Variants in ADGRL2 observed in about 807,000 individuals in gnomAD.
ADGRL2 encodes adhesion G protein-coupled receptor L2.
Under a neutral mutation model 157.4 loss-of-function variants are expected in ADGRL2, and 44 were observed. That is an observed-to-expected ratio of 0.28 (90% CI 0.22 to 0.36). ADGRL2 has a LOEUF of 0.36. Among genes scored for constraint, ADGRL2 ranks in the 10% least tolerant of loss-of-function variants. ADGRL2 has a pLI of 1.00. For synonymous variants in ADGRL2, 585 were observed against 624.7 expected, an observed-to-expected ratio of 0.94 and a Z score of 0.95; for missense variants, 1,510 against 1,768.9, an observed-to-expected ratio of 0.85 and a Z score of 2.63.
intron 3 of ADGRL2, among the ~76,000 whole-genome samples, chr1:81,922,298 G>T (rs1278200482): frequency 6.6e-6 from 1 of 152,064 alleles, no homozygotes; most frequent in Admixed American, 6.6e-5. Flanking sequence ...GAGCATGTTC[G>T]CCAGTTTCTT....
At chr1:81,509,905 G>A (rs1218899076) in intron 2 of ADGRL2, among the ~76,000 whole-genome samples, 4 of 152,296 alleles carry the variant, frequency 2.6e-5, no homozygotes, top group Admixed American at 6.5e-5. Flanking sequence ...TAATCCTTGC[G>A]AGTCTGCCCA....
At chr1:81,332,812 T>G (rs934254355) in intron 1 of ADGRL2, among the ~76,000 whole-genome samples, 2 of 152,234 alleles carry the variant, frequency 1.3e-5, no homozygotes, top group Non-Finnish European at 2.9e-5. Flanking sequence ...GAACTTCATA[T>G]GAAATTTGAA....
At chr1:81,763,204 A>G (rs181270654) in intron 2 of ADGRL2, among the ~76,000 whole-genome samples, 8 of 152,244 alleles carry the variant, frequency 5.3e-5, no homozygotes, top group Admixed American at 2.6e-4. Context: ...ATAATAAGCT[A>G]TTCAAAAGAG....
intron 3 of ADGRL2, among the ~76,000 whole-genome samples, chr1:81,669,670 T>C (rs536963537): frequency 9.3e-4 from 141 of 152,106 alleles, no homozygotes; most frequent in South Asian, 2.7e-3. Context: ...TGGCTGGGTG[T>C]GGTGGTGCAC....
chr1:81,361,127 C>G (rs978529401), intron 1 of ADGRL2, among the ~76,000 whole-genome samples: 2 of 151,796 alleles, frequency 1.3e-5, no homozygotes, highest in African/African-American at 4.8e-5. Context: ...GAAAACAAAC[C>G]ACAATGAATG....
At chr1:81,748,766 C>A (rs376930231) in intron 1 of ADGRL2, among the ~76,000 whole-genome samples, 8 of 152,036 alleles carry the variant, frequency 5.3e-5, no homozygotes, top group African/African-American at 1.9e-4. Context: ...CTCCCGGGTT[C>A]AAACGATTTT....
At chr1:81,753,959 G>C (rs1341340169) in intron 1 of ADGRL2, among the ~76,000 whole-genome samples, 1 of 152,146 alleles carries the variant, frequency 6.6e-6, no homozygotes, top group Non-Finnish European at 1.5e-5. Flanking sequence ...AGTCTATTGT[G>C]AGAATGAGTT....
At chr1:81,518,661 T>A (rs1426217876) in intron 2 of ADGRL2, among the ~76,000 whole-genome samples, 1 of 152,142 alleles carries the variant, frequency 6.6e-6, no homozygotes, top group Non-Finnish European at 1.5e-5. Context: ...GGTATTTAAC[T>A]TCTCTGTGCC....
intron 2 of ADGRL2, among the ~76,000 whole-genome samples, chr1:81,488,739 A>T (rs962999929): frequency 6.6e-6 from 1 of 151,928 alleles, no homozygotes; most frequent in African/African-American, 2.4e-5. Flanking sequence ...GTTTTCGATT[A>T]AAAAAACCAT....
intron 1 of ADGRL2, among the ~76,000 whole-genome samples, chr1:81,312,146 G>C (rs1452603046): frequency 1.3e-5 from 2 of 152,210 alleles, no homozygotes; most frequent in African/African-American, 4.8e-5. Context: ...AGCAACGATG[G>C]AAGCAAAGAG....
intron 3 of ADGRL2, among the ~76,000 whole-genome samples, chr1:81,616,665 T>C (rs2081655158): frequency 1.9e-5 from 1 of 53,196 alleles, no homozygotes; most frequent in African/African-American, 6.5e-5. Context: ...TTTTCTTTTC[T>C]TTTCTTTTCT....
intron 23 of ADGRL2, chr1:81,989,536 T>A: frequency 1.5e-6 from 1 of 667,438 alleles, no homozygotes; most frequent in Non-Finnish European, 2.6e-6. Flanking sequence ...AAATGAAAAA[T>A]AAAAGGCTGC....
chr1:81,725,969 C>A (rs994259381), intron 1 of ADGRL2, among the ~76,000 whole-genome samples: 6 of 151,668 alleles, frequency 4.0e-5, no homozygotes, highest in Admixed American at 1.3e-4. Flanking sequence ...GGCGACAGAG[C>A]CAGACCATGT....
At chr1:81,796,190 T>C (rs951169755), upstream of ADGRL2, among the ~76,000 whole-genome samples, 7 of 152,070 alleles carry the variant, frequency 4.6e-5, no homozygotes, top group African/African-American at 1.4e-4. Context: ...GGGGTTTCAC[T>C]ATCTTGGCCA....
chr1:81,986,779 T>C, intron 21 of ADGRL2, 122 bp from the exon 22 acceptor site: 1 of 914,792 alleles, frequency 1.1e-6, no homozygotes, highest in Non-Finnish European at 1.6e-6. Flanking sequence ...AGATTTTCCA[T>C]TGCCAACTTG....
intron 3 of ADGRL2, among the ~76,000 whole-genome samples, chr1:81,681,327 C>T (rs2083109349): frequency 6.6e-6 from 1 of 152,208 alleles, no homozygotes; most frequent in African/African-American, 2.4e-5. Flanking sequence ...TCCATGTGAA[C>T]TGGAACTGTT....
chr1:81,797,799 T>C (rs1013131963), upstream of ADGRL2, among the ~76,000 whole-genome samples: 9 of 152,196 alleles, frequency 5.9e-5, no homozygotes, highest in African/African-American at 2.2e-4. Context: ...ATTAAAAACA[T>C]GAGTTTCTAC....
At chr1:81,380,139 A>G (rs2076318690) in intron 1 of ADGRL2, among the ~76,000 whole-genome samples, 1 of 151,610 alleles carries the variant, frequency 6.6e-6, no homozygotes, top group East Asian at 1.9e-4. Context: ...TGAGCTACAA[A>G]CTCTAACTTT....
chr1:81,928,456 A>G (rs1290155595), intron 3 of ADGRL2, among the ~76,000 whole-genome samples: 1 of 152,100 alleles, frequency 6.6e-6, no homozygotes, highest in Non-Finnish European at 1.5e-5. Flanking sequence ...CCAGATTCTT[A>G]TGTGCTAGGC....
Sources: gnomAD v4.1 joint callset for allele counts (sites outside exome capture counted in the v4.1 genomes callset) on GRCh38, gnomAD v4.1.1 for gene constraint, MANE v1.5 for transcripts, NCBI Gene and HGNC (gene_info 2026-07-23, HGNC 2026-07-21) for gene names.